USP48: variants seen among roughly 807,000 people sequenced by gnomAD.
The protein encoded by USP48 is ubiquitin carboxyl-terminal hydrolase 48.
A neutral mutation model predicts 150.7 loss-of-function variants in USP48; 43 were observed. The observed-to-expected ratio is 0.29, with a 90% CI of 0.22 to 0.37. USP48 has a LOEUF of 0.37. Among genes scored for constraint, USP48 ranks in the 10% least tolerant of loss-of-function variants. The pLI is 1.00. For synonymous variants in USP48, 396 were observed against 425.9 expected (o/e 0.93, Z 0.86); for missense variants, 813 against 1,249.6 (o/e 0.65, Z 5.27).
At chr1:21,688,644 C>A (rs529007995) in intron 24 of USP48, among the ~76,000 whole-genome samples, 30 of 151,422 alleles carry the variant, frequency 2.0e-4, no homozygotes, top group Non-Finnish European at 3.2e-4. Flanking sequence ...GAGTTTGAGA[C>A]CAGCTTGGCC....
At chr1:21,709,595 A>AT in intron 15 of USP48, among the ~76,000 whole-genome samples, 1 of 152,174 alleles carries the variant, frequency 6.6e-6, no homozygotes, top group Non-Finnish European at 1.5e-5. Flanking sequence ...TAAAAAAAAA[A>AT]AAAGAGAGCT....
chr1:21,690,208 AGT>A, intron 23 of USP48, 109 bp from the exon 24 acceptor site: 25 of 1,276,930 alleles, frequency 2.0e-5, no homozygotes, highest in Non-Finnish European at 2.3e-5. Context: ...AAGGCTTCAG[AGT>A]ACAAAACCAC....
intron 6 of USP48, among the ~76,000 whole-genome samples, chr1:21,750,170 G>T (rs1429867835): frequency 6.6e-6 from 1 of 152,066 alleles, no homozygotes; most frequent in East Asian, 1.9e-4. Flanking sequence ...TATGGCCCTT[G>T]TGTCACCTCC....
chr1:21,741,222 A>T (rs2097780766), intron 8 of USP48, among the ~76,000 whole-genome samples: 1 of 152,252 alleles, frequency 6.6e-6, no homozygotes, highest in African/African-American at 2.4e-5. Flanking sequence ...TCAAAATTAA[A>T]AAAGAAACCA....
chr1:21,736,699 T>C, intron 8 of USP48, 74 bp from the exon 9 acceptor site: 2 of 1,245,272 alleles, frequency 1.6e-6, no homozygotes, highest in Middle Eastern at 2.1e-4. Context: ...TGAATTGTAA[T>C]GATTACGAAT....
intron 22 of USP48, among the ~76,000 whole-genome samples, chr1:21,697,695 C>A (rs948843768): frequency 6.6e-6 from 1 of 150,792 alleles, no homozygotes; most frequent in Non-Finnish European, 1.5e-5. Flanking sequence ...AAGAAAAGGT[C>A]AAATTGAACC....
At chr1:21,695,355 G>T (rs776977916) in intron 22 of USP48, 134 bp from the exon 23 acceptor site, 1 of 945,320 alleles carries the variant, frequency 1.1e-6, no homozygotes, top group Non-Finnish European at 1.5e-6. Context: ...TGTAAACAAT[G>T]AGTAGAAACT....
At chr1:21,774,410 C>T (rs1360152819) in intron 1 of USP48, among the ~76,000 whole-genome samples, 3 of 151,480 alleles carry the variant, frequency 2.0e-5, no homozygotes, top group Admixed American at 1.3e-4. Context: ...AGAATAGGAC[C>T]GGTCGCAGTG....
At chr1:21,714,375 A>T (rs536991621) in intron 15 of USP48, among the ~76,000 whole-genome samples, 4 of 152,276 alleles carry the variant, frequency 2.6e-5, no homozygotes, top group African/African-American at 9.6e-5. Context: ...TCCTGGGTCA[A>T]GTGATCCTCT....
At chr1:21,727,812 G>A (rs898661792) in intron 11 of USP48, 14 of 935,406 alleles carry the variant, frequency 1.5e-5, no homozygotes, top group Non-Finnish European at 1.8e-5. Flanking sequence ...TACTAGTAAT[G>A]GAAAATTAAG....
At chr1:21,773,935 C>T (rs1349477394) in intron 1 of USP48, among the ~76,000 whole-genome samples, 1 of 151,920 alleles carries the variant, frequency 6.6e-6, no homozygotes, top group African/African-American at 2.4e-5. Context: ...GCCAGGAATT[C>T]AAGACCAGTC....
intron 1 of USP48, among the ~76,000 whole-genome samples, chr1:21,774,821 G>A (rs770275438): frequency 2.6e-4 from 40 of 151,266 alleles, no homozygotes; most frequent in Non-Finnish European, 1.9e-4. Flanking sequence ...GTGAAACCCC[G>A]TCTCCACTAA....
In USP48 at chr1:21,748,288, CAT is replaced by C. The variant is rs1247802855; in HGVS notation, c.775-19_775-18del. On this transcript the variant is annotated intron_variant, in intron 6 of 26. Coordinates refer to ENST00000308271, the MANE Select transcript of USP48 (RefSeq NM_032236.8). ...TTTTTCTTCCTGATCAAGAATAAGACATATTAATTTTAAAAAGAAGATGGGTT... is the reference window on the plus strand; with the variant it reads ...TTTTTCTTCCTGATCAAGAATAAGACATTAATTTTAAAAAGAAGATGGGTT... The C allele has an allele frequency of 2.5e-6, 4 of 1,593,242 alleles. No individual in the cohort carries two copies. Among genetic ancestry groups the C allele is most frequent in the Non-Finnish European group, 2.6e-6 (3 of 1,170,658 alleles).
intron 8 of USP48, among the ~76,000 whole-genome samples, chr1:21,736,917 C>T (rs1356413373): frequency 2.6e-5 from 4 of 152,218 alleles, no homozygotes; most frequent in East Asian, 1.9e-4. Context: ...CTCTACTACA[C>T]ACCGTGCTCT....
chr1:21,729,497 ACT>A (rs1388341424), intron 10 of USP48, among the ~76,000 whole-genome samples: 1 of 152,220 alleles, frequency 6.6e-6, no homozygotes, highest in African/African-American at 2.4e-5. Context: ...TGTTTTGATT[ACT>A]TTCTGATTTT....
intron 8 of USP48, among the ~76,000 whole-genome samples, chr1:21,744,307 A>G (rs2097788811): frequency 6.6e-6 from 1 of 151,908 alleles, no homozygotes; most frequent in Admixed American, 6.6e-5. Flanking sequence ...TTAGCCAGGT[A>G]CGATGGCATG....
chr1:21,752,906 A>T, intron 4 of USP48, 86 bp downstream of exon 4: 4 of 1,438,666 alleles, frequency 2.8e-6, no homozygotes, highest in South Asian at 1.4e-5. Context: ...TTTAAAAAGC[A>T]TTCTACTTCA....
At chr1:21,764,861 C>T (rs150117560) in intron 1 of USP48, among the ~76,000 whole-genome samples, 6 of 152,260 alleles carry the variant, frequency 3.9e-5, no homozygotes, top group African/African-American at 1.4e-4. Context: ...TCCTGGCAAC[C>T]AGCCCATGTG....
At chr1:21,766,046 T>C (rs1318519356) in intron 1 of USP48, among the ~76,000 whole-genome samples, 1 of 148,398 alleles carries the variant, frequency 6.7e-6, no homozygotes, top group East Asian at 2.0e-4. Flanking sequence ...AAAGGAGAAA[T>C]CTGGAATGAT....
Sources: allele counts gnomAD v4.1 joint callset (sites outside exome capture counted in the v4.1 genomes callset), GRCh38; gene constraint gnomAD v4.1.1; transcripts MANE v1.5; gene names NCBI Gene and HGNC (gene_info 2026-07-23, HGNC 2026-07-21).